KDM2B: variants seen among roughly 807,000 people sequenced by gnomAD.
The protein encoded by KDM2B is lysine-specific demethylase 2B.
Under a neutral mutation model 150.0 loss-of-function variants are expected in KDM2B, and 26 were observed. That is an observed-to-expected ratio of 0.17 (90% CI 0.13 to 0.24). The LOEUF (loss-of-function observed/expected upper bound fraction) is 0.24. Among genes scored for constraint, KDM2B ranks in the 10% least tolerant of loss-of-function variants. KDM2B has a pLI of 1.00. For synonymous variants in KDM2B, 734 were observed against 729.5 expected (o/e 1.01, Z -0.10); for missense variants, 1,265 against 1,816.9 (o/e 0.70, Z 5.52).
At chr12:121,528,249 A>T (rs1477606689) in intron 8 of KDM2B, among the ~76,000 whole-genome samples, 9 of 152,206 alleles carry the variant, frequency 5.9e-5, no homozygotes. Flanking sequence ...AAGCCTGAAG[A>T]ATAGCACCAT....
chr12:121,487,010 C>T (rs1335227217), intron 12 of KDM2B, among the ~76,000 whole-genome samples: 4 of 151,198 alleles, frequency 2.6e-5, no homozygotes, highest in Admixed American at 2.6e-4. Context: ...TGTGGCGGCG[C>T]ATGCCTGTGG....
chr12:121,544,896 G>C lies in KDM2B; in HGVS notation c.683+3981C>G, dbSNP rs563348602. ...CCATTGCACTCCAGCCTGGGCAACA[G>C]AGTGAGACCCTCTCTAAAAAAATAA... On this transcript the variant is annotated intron_variant, in intron 6 of 22. Coordinates refer to ENST00000377071, the MANE Select transcript of KDM2B (RefSeq NM_032590.5). 1.2e-4 allele frequency among the ~76,000 whole-genome samples: 19 copies of C among 152,312 alleles called. No individual in the cohort carries two copies. The South Asian group carries it at 3.7e-3, about 30-fold the overall frequency.
intron 10 of KDM2B, among the ~76,000 whole-genome samples, chr12:121,512,613 G>T (rs1885686656): frequency 6.6e-6 from 1 of 152,122 alleles, no homozygotes; most frequent in South Asian, 2.1e-4. Flanking sequence ...CAGCCGAGAG[G>T]AATCACGTTC....
chr12:121,445,993 G>A (rs903432017), intron 13 of KDM2B, among the ~76,000 whole-genome samples: 11 of 152,222 alleles, frequency 7.2e-5, no homozygotes, highest in African/African-American at 2.7e-4. Context: ...CTTTTGCACA[G>A]TATTGATATT....
chr12:121,413,458 C>G, the KDM2B span, among the ~76,000 whole-genome samples: 3 of 131,296 alleles, frequency 2.3e-5, no homozygotes, highest in African/African-American at 1.0e-4. Flanking sequence ...TTTGCCCAAG[C>G]TGGAGTGCGG....
intron 12 of KDM2B, among the ~76,000 whole-genome samples, chr12:121,458,127 A>C (rs1326540830): frequency 6.6e-6 from 1 of 152,180 alleles, no homozygotes; most frequent in East Asian, 1.9e-4. Context: ...TCACCCCTAT[A>C]ATCTCAGCAC....
intron 11 of KDM2B, among the ~76,000 whole-genome samples, chr12:121,495,928 C>T (rs901580438): frequency 7.9e-5 from 12 of 151,476 alleles, no homozygotes; most frequent in African/African-American, 2.7e-4. Flanking sequence ...CGATCTCCCA[C>T]GAGGCACACT....
intron 12 of KDM2B, among the ~76,000 whole-genome samples, chr12:121,487,758 T>C (rs1269776907): frequency 6.6e-6 from 1 of 150,796 alleles, no homozygotes; most frequent in East Asian, 1.9e-4. Context: ...ACTCCTCCCG[T>C]CTAGGAGGAG....
At chr12:121,436,394 A>G (rs1434969687) in intron 22 of KDM2B, among the ~76,000 whole-genome samples, 5 of 151,854 alleles carry the variant, frequency 3.3e-5, no homozygotes, top group South Asian at 2.1e-4. Flanking sequence ...GGTGGCGGGC[A>G]CCTGTAGTCC....
chr12:121,508,201 C>T (rs1412674907), intron 11 of KDM2B, among the ~76,000 whole-genome samples: 1 of 152,092 alleles, frequency 6.6e-6, no homozygotes, highest in Non-Finnish European at 1.5e-5. Flanking sequence ...ATCCTCTCTC[C>T]TCAGCCTCCA....
chr12:121,581,164 G>C, upstream of KDM2B: 1 of 420,882 alleles, frequency 2.4e-6, no homozygotes, highest in Non-Finnish European at 4.2e-6. Flanking sequence ...TTTTTTAAAG[G>C]TTCTTGCGCT....
At chr12:121,572,705 T>C (rs1891190853) in intron 4 of KDM2B, among the ~76,000 whole-genome samples, 1 of 152,152 alleles carries the variant, frequency 6.6e-6, no homozygotes, top group Non-Finnish European at 1.5e-5. Flanking sequence ...TTGCCCAGGC[T>C]GGAGTGAAGT....
chr12:121,437,736 C>T (rs1490424077), intron 22 of KDM2B, among the ~76,000 whole-genome samples: 1 of 152,168 alleles, frequency 6.6e-6, no homozygotes, highest in Non-Finnish European at 1.5e-5. Flanking sequence ...TCCCTTGTCA[C>T]GAGACCAGAT....
At chr12:121,553,584 C>T (rs1889676609) in intron 4 of KDM2B, among the ~76,000 whole-genome samples, 1 of 152,136 alleles carries the variant, frequency 6.6e-6, no homozygotes, top group African/African-American at 2.4e-5. Context: ...ATAGCCAGCC[C>T]AGGAGCTGTC....
chr12:121,478,211 T>C (rs546925295), intron 12 of KDM2B, among the ~76,000 whole-genome samples: 1 of 151,968 alleles, frequency 6.6e-6, no homozygotes, highest in Admixed American at 6.6e-5. Context: ...CAGCAGTACA[T>C]GGGCGGGTTT....
the KDM2B span, chr12:121,409,630 C>T: frequency 6.6e-6 from 1 of 152,226 alleles, no homozygotes; most frequent in African/African-American, 2.4e-5. Context: ...AAATCAGAAC[C>T]TCTGGGCCTG....
At chr12:121,497,477 G>A (rs1326643777) in intron 11 of KDM2B, among the ~76,000 whole-genome samples, 1 of 151,846 alleles carries the variant, frequency 6.6e-6, no homozygotes, top group African/African-American at 2.4e-5. Flanking sequence ...GCTAATTTTT[G>A]TTATTTTTAG....
chr12:121,509,972 G>A lies in KDM2B; in HGVS notation c.1242C>T (p.Ala414=), dbSNP rs782405933. ...CCTCCTCCTGAGGCTGCTGATCACA[G>A]GCCTCCTCCTCCATCTCCAGCCAGG... is the stretch of plus-strand genomic sequence containing the variant. ...SDSWLEMEEE[A]CDQQPQEEEE... The change falls in exon 11 of 23, where the codon GCC becomes GCT. Residue 414 remains alanine, a synonymous_variant. Coordinates refer to ENST00000377071, the MANE Select transcript of KDM2B (RefSeq NM_032590.5). The A allele has an allele frequency of 2.7e-5, 43 of 1,605,262 alleles. No individual in the cohort carries two copies. The South Asian group carries it at 3.4e-4, about 13-fold the overall frequency.
At chr12:121,461,724 C>T (rs75395975) in intron 12 of KDM2B, among the ~76,000 whole-genome samples, 5,297 of 152,194 alleles carry the variant, frequency 0.035, 301 homozygotes, top group African/African-American at 0.12. Flanking sequence ...AGGTGTTGCC[C>T]AGCAAGCAGG....
Sources: allele counts gnomAD v4.1 joint callset (sites outside exome capture counted in the v4.1 genomes callset), GRCh38; gene constraint gnomAD v4.1.1; transcripts MANE v1.5; gene names NCBI Gene and HGNC (gene_info 2026-07-23, HGNC 2026-07-21).